TNFRSF10D: variants seen among roughly 807,000 people sequenced by gnomAD.
The protein encoded by TNFRSF10D is tumor necrosis factor receptor superfamily member 10D.
A neutral mutation model predicts 42.1 loss-of-function variants in TNFRSF10D; 28 were observed. The observed-to-expected ratio is 0.66, with a 90% CI of 0.49 to 0.91. The LOEUF (loss-of-function observed/expected upper bound fraction) is 0.91, where lower values mean the gene tolerates loss of function less well. Ranked by LOEUF, TNFRSF10D falls within the 40% of genes least tolerant of loss-of-function variation. TNFRSF10D has a pLI of 0.00. For missense variants in TNFRSF10D, 503 were observed against 486.1 expected, an observed-to-expected ratio of 1.03 and a Z score of -0.33; for synonymous variants, 186 against 189.4, an observed-to-expected ratio of 0.98 and a Z score of 0.15.
rs764420694 is a variant in TNFRSF10D at position 23,137,934 on chromosome 8, A to G, written c.1097T>C (p.Leu366Pro). The G allele has an allele frequency of 6.2e-7, 1 of 1,614,210 alleles. No individual in the cohort carries two copies. The highest frequency in any genetic ancestry group is 8.5e-7 in the Non-Finnish European group (1 of 1,180,038). ...GHAKETIQDQLVGSEKLFYEE... is the reference protein window; with the variant it reads ...GHAKETIQDQPVGSEKLFYEE... ...ATAAAAGAGCTTTTCGGAGCCCACC[A>G]GTTGGTCCTGAATTGTTTCCTTTGC... Residue 366 changes from leucine to proline, a missense_variant, in exon 9 of 9, where the codon CTG (leucine) becomes CCG (proline). Transcript: ENST00000312584.
intron 2 of TNFRSF10D, among the ~76,000 whole-genome samples, chr8:23,152,522 A>G (rs1800224356): frequency 6.6e-6 from 1 of 152,214 alleles, no homozygotes; most frequent in Non-Finnish European, 1.5e-5. Context: ...GAGATGATGA[A>G]CAAATGTGCT....
chr8:23,151,327 G>A (rs1406685631), intron 2 of TNFRSF10D, among the ~76,000 whole-genome samples: 1 of 148,510 alleles, frequency 6.7e-6, no homozygotes. Flanking sequence ...ATGCAGAGCA[G>A]TAAAGACTTT....
At chr8:23,149,658 T>A (rs1585262042) in intron 2 of TNFRSF10D, among the ~76,000 whole-genome samples, 1 of 152,008 alleles carries the variant, frequency 6.6e-6, no homozygotes, top group Non-Finnish European at 1.5e-5. Context: ...CTCACTATGG[T>A]GGCCCCGTCT....
At chr8:23,140,109 G>A (rs1449176273) in intron 7 of TNFRSF10D, among the ~76,000 whole-genome samples, 1 of 152,144 alleles carries the variant, frequency 6.6e-6, no homozygotes, top group East Asian at 1.9e-4. Context: ...CTAACACGGT[G>A]AAACCCCACC....
rs1220767189 is a variant in TNFRSF10D at position 23,137,660 on chromosome 8, A to G, written c.*210T>C. On this transcript the variant is annotated 3_prime_UTR_variant, in exon 9 of 9. Coordinates refer to ENST00000312584, the MANE Select transcript of TNFRSF10D (RefSeq NM_003840.5). ...CTATGCAGCCAAGAATCTGATATAA[A>G]TTTCTCCCGTTTGCTTATCACACGC... 1.8e-6 allele frequency: 1 copy of G among 564,724 alleles called. No individual in the cohort carries two copies. The highest frequency in any genetic ancestry group is 3.2e-5 in the East Asian group (1 of 31,306). The allele number at this position is 564,724 out of a possible 1,614,324, so 35.0% of individuals were successfully genotyped here.
chr8:23,145,747 T>C lies in TNFRSF10D; in HGVS notation c.657A>G (p.Leu219=), dbSNP rs1489260950. 1 of 1,614,036 alleles carries C rather than the reference T, an allele frequency of 6.2e-7. No homozygotes were observed. The highest frequency in any genetic ancestry group is 8.5e-7 in the Non-Finnish European group (1 of 1,180,028). The change falls in exon 5 of 9, where the codon TTA becomes TTG. Residue 219 remains leucine, a synonymous_variant. Coordinates refer to ENST00000312584, the MANE Select transcript of TNFRSF10D (RefSeq NM_003840.5). ...PYHYLIIIVV[L]VIILAVVVVG... is the part of the protein sequence containing the mutation. The stretch of plus-strand genomic sequence containing the variant: ...CCACAACCACAGCTAAAATGATGAC[T>C]AAAACCACTATGATGATAAGGTAGT...
intron 2 of TNFRSF10D, among the ~76,000 whole-genome samples, chr8:23,154,187 T>C (rs1800244376): frequency 6.6e-6 from 1 of 151,884 alleles, no homozygotes; most frequent in South Asian, 2.1e-4. Context: ...AGGTAGAGAG[T>C]AGAATGGTGA....
Position 23,163,940 on chromosome 8 carries a change from A to G in TNFRSF10D, c.-5T>C. 4 of 1,561,330 alleles carry G rather than the reference A, an allele frequency of 2.6e-6. No homozygotes were observed. Among genetic ancestry groups the G allele is most frequent in the Non-Finnish European group, 3.4e-6 (4 of 1,159,674 alleles). The stretch of plus-strand genomic sequence containing the variant: ...GCTTTGTCCCCAAAGTCCCATGAGA[A>G]GGGAGGAGGGTGGATCGAAAGCGCC... On this transcript the variant is annotated 5_prime_UTR_variant, in exon 1 of 9. Coordinates refer to ENST00000312584, the MANE Select transcript of TNFRSF10D (RefSeq NM_003840.5).
chr8:23,153,178 AT>A (rs1800230931), intron 2 of TNFRSF10D, among the ~76,000 whole-genome samples: 1 of 152,240 alleles, frequency 6.6e-6, no homozygotes, highest in African/African-American at 2.4e-5. Context: ...CTGCAGAAGA[AT>A]GAAATAAGAC....
intron 2 of TNFRSF10D, among the ~76,000 whole-genome samples, chr8:23,148,995 C>T (rs565659750): frequency 1.3e-5 from 2 of 151,394 alleles, no homozygotes; most frequent in Admixed American, 6.6e-5. Flanking sequence ...TCGAGACCAT[C>T]CTGGCTAACA....
In TNFRSF10D at chr8:23,140,462, G is replaced by C. The variant is rs192063383; in HGVS notation, c.955-2202C>G. Among the ~76,000 whole-genome samples, 764 of 151,580 alleles carry C rather than the reference G, an allele frequency of 5.0e-3. 7 individuals are homozygous for C. Among genetic ancestry groups the C allele is most frequent in the Middle Eastern group, 0.01 (3 of 294 alleles). On this transcript the variant is annotated intron_variant, in intron 7 of 8. Coordinates refer to ENST00000312584, the MANE Select transcript of TNFRSF10D (RefSeq NM_003840.5). ...ACCCAAGGATGTGAAAGATCTCTAA[G>C]AGAATTACAAAACACTGCTAAAAGA...
chr8:23,142,506 A>G (rs947615758), intron 7 of TNFRSF10D, among the ~76,000 whole-genome samples: 1 of 152,216 alleles, frequency 6.6e-6, no homozygotes, highest in Non-Finnish European at 1.5e-5. Context: ...ACGCAAAACC[A>G]AATACTGCGT....
intron 1 of TNFRSF10D, among the ~76,000 whole-genome samples, chr8:23,163,350 G>A (rs989116911): frequency 9.2e-5 from 14 of 152,140 alleles, no homozygotes; most frequent in African/African-American, 4.8e-5. Context: ...TGATCCGCCC[G>A]CCTCGGCCTC....
chr8:23,161,772 G>C (rs1387706556), intron 1 of TNFRSF10D, among the ~76,000 whole-genome samples: 3 of 152,214 alleles, frequency 2.0e-5, no homozygotes, highest in Non-Finnish European at 4.4e-5. Flanking sequence ...ACAGGCACAT[G>C]TGTGAACTAG....
Position 23,148,525 on chromosome 8 carries a change from C to T in TNFRSF10D, c.283G>A (p.Ala95Thr), listed in dbSNP as rs1314983419. The T allele has an allele frequency of 1.9e-6, 3 of 1,609,952 alleles. No individual in the cohort carries two copies. The highest frequency in any genetic ancestry group is 2.5e-6 in the Non-Finnish European group (3 of 1,177,374). Residue 95 changes from alanine (A) to threonine (T), a missense_variant, in exon 3 of 9, where the codon GCC becomes ACC. Transcript: ENST00000312584. ...ACACCCTCTGTGCACGGGTTACAGGCTCCAGTATATTCTGATCTATGAGAT... is the reference window on the plus strand; with the variant it reads ...ACACCCTCTGTGCACGGGTTACAGGTTCCAGTATATTCTGATCTATGAGAT... Reference protein sequence around the residue: ...AGSHRSEYTGACNPCTEGVDY... With the variant: ...AGSHRSEYTGTCNPCTEGVDY...
intron 2 of TNFRSF10D, among the ~76,000 whole-genome samples, chr8:23,151,921 G>T (rs1017349211): frequency 6.6e-6 from 1 of 151,986 alleles, no homozygotes; most frequent in Non-Finnish European, 1.5e-5. Flanking sequence ...CCTTGCCCTG[G>T]GGGGGATCCA....
At chr8:23,144,988 A>G in intron 6 of TNFRSF10D, 70 bp downstream of exon 6, 7 of 1,605,240 alleles carry the variant, frequency 4.4e-6, no homozygotes, top group Non-Finnish European at 6.0e-6. Flanking sequence ...GTGCCCACCC[A>G]GGCTCGGCAG....
intron 2 of TNFRSF10D, among the ~76,000 whole-genome samples, chr8:23,153,564 C>A (rs1289212579): frequency 6.6e-6 from 1 of 152,032 alleles, no homozygotes; most frequent in Non-Finnish European, 1.5e-5. Flanking sequence ...GGGCAAGGGA[C>A]CTGAAGAGAC....
chr8:23,158,776 C>T (rs1254369353), intron 1 of TNFRSF10D, among the ~76,000 whole-genome samples: 2 of 152,046 alleles, frequency 1.3e-5, no homozygotes, highest in African/African-American at 4.8e-5. Flanking sequence ...TGCTTATATT[C>T]TATTGAAGGT....
Sources: gnomAD v4.1 joint callset for allele counts (sites outside exome capture counted in the v4.1 genomes callset) on GRCh38, gnomAD v4.1.1 for gene constraint, MANE v1.5 for transcripts, NCBI Gene and HGNC (gene_info 2026-07-23, HGNC 2026-07-21) for gene names.